RBFOX3: variants seen among roughly 807,000 people sequenced by gnomAD.
RBFOX3 encodes RNA binding fox-1 homolog 3.
RBFOX3 carries 17 observed loss-of-function variants against 48.7 expected under a neutral mutation model. The ratio of observed to expected loss-of-function variants is 0.35; its 90% CI spans 0.24 to 0.52. The LOEUF (loss-of-function observed/expected upper bound fraction) is 0.52. RBFOX3 is among the 20% of genes least tolerant of loss of function. RBFOX3 has a pLI of 0.94. For synonymous variants in RBFOX3, 212 were observed against 209.5 expected (o/e 1.01, Z -0.10); for missense variants, 382 against 497.5 (o/e 0.77, Z 2.21).
chr17:79,302,422 G>T (rs1364776002), intron 3 of RBFOX3, among the ~76,000 whole-genome samples: 1 of 152,212 alleles, frequency 6.6e-6, no homozygotes, highest in Non-Finnish European at 1.5e-5. Context: ...GCTCACACCT[G>T]TAATCTCAGC....
chr17:79,582,195 C>CCCGT (rs1238497471), intron 1 of RBFOX3, among the ~76,000 whole-genome samples: 1 of 145,956 alleles, frequency 6.9e-6, no homozygotes, highest in Non-Finnish European at 1.5e-5. Flanking sequence ...CACGTGCCTG[C>CCCGT]CCGTGTATGT....
At chr17:79,227,749 G>A (rs2060488599) in intron 4 of RBFOX3, among the ~76,000 whole-genome samples, 1 of 152,178 alleles carries the variant, frequency 6.6e-6, no homozygotes, top group Non-Finnish European at 1.5e-5. Flanking sequence ...GTGTCCAGGT[G>A]AGGGTGGGAG....
chr17:79,487,392 G>A (rs1173849403), intron 1 of RBFOX3, among the ~76,000 whole-genome samples: 1 of 152,360 alleles, frequency 6.6e-6, no homozygotes, highest in East Asian at 1.9e-4. Context: ...AGATGCTGCA[G>A]AGGCCGGGTG....
At chr17:79,143,405 T>TCAGG (rs1568217023) in intron 4 of RBFOX3, among the ~76,000 whole-genome samples, 1 of 146,954 alleles carries the variant, frequency 6.8e-6, no homozygotes, top group East Asian at 2.0e-4. Context: ...TAAATCCATC[T>TCAGG]CAGGCATTTC....
chr17:79,413,212 G>C (rs1242993560), intron 2 of RBFOX3, among the ~76,000 whole-genome samples: 2 of 152,208 alleles, frequency 1.3e-5, no homozygotes, highest in East Asian at 3.8e-4. Context: ...GGCAGGCCGG[G>C]GCACCCCTCC....
At chr17:79,457,564 G>A (rs868989489) in intron 2 of RBFOX3, among the ~76,000 whole-genome samples, 4 of 151,950 alleles carry the variant, frequency 2.6e-5, no homozygotes, top group East Asian at 1.9e-4. Flanking sequence ...TAGATGCCCC[G>A]GGACCTCCGT....
chr17:79,549,451 G>T (rs1457262879), intron 1 of RBFOX3, among the ~76,000 whole-genome samples: 1 of 152,262 alleles, frequency 6.6e-6, no homozygotes, highest in Non-Finnish European at 1.5e-5. Context: ...CTTTGAGGCG[G>T]CAAAGCTAAT....
At chr17:79,185,705 C>T (rs2053265898) in intron 4 of RBFOX3, among the ~76,000 whole-genome samples, 1 of 152,172 alleles carries the variant, frequency 6.6e-6, no homozygotes, top group Non-Finnish European at 1.5e-5. Context: ...ACCATTATGA[C>T]CAAGTATCTC....
At chr17:79,410,325 TC>T (rs1378784554) in intron 2 of RBFOX3, among the ~76,000 whole-genome samples, 15 of 152,190 alleles carry the variant, frequency 9.9e-5, no homozygotes, top group African/African-American at 3.4e-4. Context: ...GGTTCTCGTC[TC>T]CGTGCATCAT....
At chr17:79,411,887 G>T (rs749291163) in intron 2 of RBFOX3, among the ~76,000 whole-genome samples, 1 of 152,208 alleles carries the variant, frequency 6.6e-6, no homozygotes, top group South Asian at 2.1e-4. Context: ...TGTGCAGCGT[G>T]TATGCACGTG....
intron 4 of RBFOX3, among the ~76,000 whole-genome samples, chr17:79,118,864 T>C (rs1332237870): frequency 2.0e-5 from 3 of 148,940 alleles, no homozygotes; most frequent in Non-Finnish European, 4.5e-5. Flanking sequence ...CTAGTCCCAG[T>C]AATGTGGGAG....
In RBFOX3 at chr17:79,562,676, G is replaced by T. The variant is rs1444600448; in HGVS notation, c.-320+48150C>A. Among the ~76,000 whole-genome samples the T allele has an allele frequency of 3.3e-5, 5 of 152,146 alleles. No homozygotes were observed. The South Asian group carries it at 6.2e-4, about 19-fold the overall frequency. ...TTGCTGCTGCCGCTTCGGTGTCTGGGGGCGCCAGAGAAAGTCCATGGAGGG... is the reference window on the plus strand; with the variant it reads ...TTGCTGCTGCCGCTTCGGTGTCTGGTGGCGCCAGAGAAAGTCCATGGAGGG... On this transcript the variant is annotated intron_variant, in intron 1 of 14. Coordinates refer to ENST00000693108, the MANE Select transcript of RBFOX3 (RefSeq NM_001350451.2).
chr17:79,414,644 A>G (rs910949022), intron 2 of RBFOX3, among the ~76,000 whole-genome samples: 1 of 152,208 alleles, frequency 6.6e-6, no homozygotes, highest in Admixed American at 6.5e-5. Flanking sequence ...GAAACAGTAA[A>G]GACAGGTCTG....
Position 79,581,013 on chromosome 17 carries a change from C to T in RBFOX3, c.-320+29813G>A, listed in dbSNP as rs1251304072. ...CTGTAATCCCAGCACTTTGGGAGGC[C>T]GAGGCAGGCAGATCACGAGGTCAGG... On this transcript the variant is annotated intron_variant, in intron 1 of 14. Coordinates refer to ENST00000693108, the MANE Select transcript of RBFOX3 (RefSeq NM_001350451.2). Among the ~76,000 whole-genome samples the T allele has an allele frequency of 2.6e-5, 4 of 152,182 alleles. No homozygotes were observed. In the East Asian group the frequency reaches 5.8e-4, roughly 22 times the overall value.
intron 4 of RBFOX3, among the ~76,000 whole-genome samples, chr17:79,197,118 G>A (rs776360513): frequency 4.4e-4 from 67 of 150,724 alleles, no homozygotes; most frequent in Non-Finnish European, 7.8e-4. Context: ...GGCACGCGTG[G>A]GTAAAATGGA....
chr17:79,484,278 G>A (rs2079191689), intron 1 of RBFOX3, among the ~76,000 whole-genome samples: 1 of 152,226 alleles, frequency 6.6e-6, no homozygotes, highest in Non-Finnish European at 1.5e-5. Flanking sequence ...CCGAAGAGCA[G>A]AACCAGCATC....
chr17:79,444,011 A>G (rs2071708879), intron 2 of RBFOX3, among the ~76,000 whole-genome samples: 1 of 152,208 alleles, frequency 6.6e-6, no homozygotes, highest in Non-Finnish European at 1.5e-5. Flanking sequence ...AAACTGAGGC[A>G]GGAAGCAAAG....
chr17:79,335,729 C>T (rs2081090123), intron 2 of RBFOX3, among the ~76,000 whole-genome samples: 1 of 152,224 alleles, frequency 6.6e-6, no homozygotes, highest in Non-Finnish European at 1.5e-5. Flanking sequence ...AGGTGCTGTG[C>T]TCCACCTGAG....
chr17:79,173,884 G>A (rs57660995), intron 4 of RBFOX3, among the ~76,000 whole-genome samples: 2 of 141,532 alleles, frequency 1.4e-5, no homozygotes. Context: ...ACAGAGCTTT[G>A]CACACGCCAC....
Sources: gnomAD v4.1 joint callset for allele counts (sites outside exome capture counted in the v4.1 genomes callset) on GRCh38, gnomAD v4.1.1 for gene constraint, MANE v1.5 for transcripts, NCBI Gene and HGNC (gene_info 2026-07-23, HGNC 2026-07-21) for gene names.